MAPK8: variants seen among roughly 807,000 people sequenced by gnomAD.
The protein encoded by MAPK8 is mitogen-activated protein kinase 8, also known as JUN N-terminal kinase.
Under a neutral mutation model 52.9 loss-of-function variants are expected in MAPK8, and 13 were observed. The observed-to-expected ratio is 0.25, with a 90% CI of 0.16 to 0.39. The LOEUF is 0.39. MAPK8 is among the 10% of genes least tolerant of loss of function. The pLI is 1.00. For missense variants in MAPK8, 300 were observed against 519.2 expected, an observed-to-expected ratio of 0.58 and a Z score of 4.10; for synonymous variants, 191 against 169.8, an observed-to-expected ratio of 1.12 and a Z score of -0.97.
At chr10:48,383,350 A>C (rs2041124468) in intron 1 of MAPK8, among the ~76,000 whole-genome samples, 1 of 152,220 alleles carries the variant, frequency 6.6e-6, no homozygotes, top group African/African-American at 2.4e-5. Flanking sequence ...AGACAGAAGA[A>C]GACAGGAAAT....
intron 1 of MAPK8, among the ~76,000 whole-genome samples, chr10:48,397,607 T>C (rs1200279292): frequency 6.6e-6 from 1 of 152,206 alleles, no homozygotes; most frequent in East Asian, 1.9e-4. Context: ...TTTTCTTTTT[T>C]TGAGACAGAG....
At chr10:48,418,195 A>G (rs1176953315) in intron 5 of MAPK8, among the ~76,000 whole-genome samples, 1 of 152,166 alleles carries the variant, frequency 6.6e-6, no homozygotes, top group Non-Finnish European at 1.5e-5. Flanking sequence ...GCTTCATGAA[A>G]TGTTTTGTTA....
At chr10:48,353,405 A>G (rs1043724483) in intron 1 of MAPK8, among the ~76,000 whole-genome samples, 1 of 152,212 alleles carries the variant, frequency 6.6e-6, no homozygotes, top group Non-Finnish European at 1.5e-5. Flanking sequence ...GGTCAGTGGA[A>G]CAGACTAGAA....
chr10:48,384,771 A>G (rs995400652), intron 1 of MAPK8, among the ~76,000 whole-genome samples: 3 of 152,254 alleles, frequency 2.0e-5, no homozygotes, highest in Admixed American at 1.3e-4. Flanking sequence ...AGAGTTTCAT[A>G]GTTGGCCAGG....
chr10:48,329,074 A>G (rs1393021410), intron 1 of MAPK8, among the ~76,000 whole-genome samples: 2 of 152,202 alleles, frequency 1.3e-5, no homozygotes, highest in African/African-American at 4.8e-5. Context: ...GCTGGTAGAT[A>G]TGGTTATTCT....
chr10:48,335,613 GA>G (rs1807396405), intron 1 of MAPK8, among the ~76,000 whole-genome samples: 2 of 152,202 alleles, frequency 1.3e-5, no homozygotes, highest in South Asian at 4.1e-4. Context: ...TCATTTTCAA[GA>G]AAATGTCTTC....
At chr10:48,319,064 T>C (rs1390314797) in intron 1 of MAPK8, among the ~76,000 whole-genome samples, 1 of 152,198 alleles carries the variant, frequency 6.6e-6, no homozygotes, top group Admixed American at 6.5e-5. Context: ...ATGGTGGTTA[T>C]CACTTTTAGT....
intron 1 of MAPK8, among the ~76,000 whole-genome samples, chr10:48,361,617 C>A (rs1299960644): frequency 2.6e-5 from 4 of 152,172 alleles, no homozygotes; most frequent in African/African-American, 9.7e-5. Flanking sequence ...GTTTTTACCA[C>A]TTCATACTAC....
intron 1 of MAPK8, among the ~76,000 whole-genome samples, chr10:48,358,285 G>GAT (rs1474136714): frequency 6.6e-6 from 1 of 152,168 alleles, no homozygotes; most frequent in Non-Finnish European, 1.5e-5. Context: ...CTACCCATGT[G>GAT]ATATACAAGG....
intron 1 of MAPK8, among the ~76,000 whole-genome samples, chr10:48,360,268 C>T (rs1354975859): frequency 1.3e-5 from 2 of 152,148 alleles, no homozygotes; most frequent in Non-Finnish European, 2.9e-5. Flanking sequence ...AAAAGATGCC[C>T]AGTCTCCTTA....
chr10:48,361,015 G>C (rs149153032), intron 1 of MAPK8, among the ~76,000 whole-genome samples: 2 of 152,184 alleles, frequency 1.3e-5, no homozygotes, highest in African/African-American at 4.8e-5. Flanking sequence ...TTCTATGCCA[G>C]TTATCTGTAA....
chr10:48,392,848 AG>A (rs1328673845), intron 1 of MAPK8, among the ~76,000 whole-genome samples: 1 of 152,178 alleles, frequency 6.6e-6, no homozygotes, highest in Non-Finnish European at 1.5e-5. Context: ...CTAAAGAAGT[AG>A]CTATATCCAG....
intron 7 of MAPK8, chr10:48,424,644 TC>T (rs1362169257): frequency 2.7e-6 from 3 of 1,115,110 alleles, no homozygotes; most frequent in African/African-American, 3.2e-5. Context: ...TGATAGCACT[TC>T]AGTTTGGTCA....
At chr10:48,367,491 T>C (rs1848158977) in intron 1 of MAPK8, among the ~76,000 whole-genome samples, 1 of 151,944 alleles carries the variant, frequency 6.6e-6, no homozygotes, top group South Asian at 2.1e-4. Flanking sequence ...TCTTTGGTAA[T>C]GAAAGCATTC....
chr10:48,310,729 TTGTGTGTGTG>T (rs111302388), intron 1 of MAPK8, among the ~76,000 whole-genome samples: 4 of 149,130 alleles, frequency 2.7e-5, no homozygotes, highest in East Asian at 2.0e-4. Flanking sequence ...GTTTTTAAAA[TTGTGTGTGTG>T]TGTGTGTGTG....
At chr10:48,338,426 A>G (rs1333669713) in intron 1 of MAPK8, among the ~76,000 whole-genome samples, 2 of 152,172 alleles carry the variant, frequency 1.3e-5, no homozygotes, top group African/African-American at 2.4e-5. Flanking sequence ...AGAGGAACAT[A>G]CCTCAAAATA....
intron 1 of MAPK8, among the ~76,000 whole-genome samples, chr10:48,380,745 T>C (rs1372658284): frequency 6.6e-6 from 1 of 152,034 alleles, no homozygotes; most frequent in African/African-American, 2.4e-5. Context: ...AAAAAATAAA[T>C]AAATAAATGT....
At chr10:48,319,211 A>G (rs1248679792) in intron 1 of MAPK8, among the ~76,000 whole-genome samples, 3 of 152,222 alleles carry the variant, frequency 2.0e-5, no homozygotes, top group Non-Finnish European at 4.4e-5. Context: ...GTCATGTGTA[A>G]TAAGGGACTA....
chr10:48,409,430 G>A (rs1311805882), intron 3 of MAPK8, among the ~76,000 whole-genome samples: 5 of 152,176 alleles, frequency 3.3e-5, no homozygotes, highest in Non-Finnish European at 5.9e-5. Context: ...ACAATAGTGT[G>A]AGAAGGGATA....
Sources: gnomAD v4.1 joint callset for allele counts (sites outside exome capture counted in the v4.1 genomes callset) on GRCh38, gnomAD v4.1.1 for gene constraint, MANE v1.5 for transcripts, NCBI Gene and HGNC (gene_info 2026-07-23, HGNC 2026-07-21) for gene names.